The following ADAMTS12 variants were observed in gnomAD, a reference collection of about 807,000 sequenced individuals.
ADAMTS12 encodes A disintegrin and metalloproteinase with thrombospondin motifs 12.
ADAMTS12 carries 118 observed loss-of-function variants against 167.8 expected under a neutral mutation model. The ratio of observed to expected loss-of-function variants is 0.70; its 90% CI spans 0.61 to 0.82. The LOEUF is 0.82. ADAMTS12 is among the 40% of genes least tolerant of loss of function. The pLI, the probability that ADAMTS12 is intolerant of heterozygous loss-of-function variation, is 0.00. For missense variants in ADAMTS12, 1,916 were observed against 1,998.8 expected (o/e 0.96, Z 0.79); for synonymous variants, 704 against 716.9 (o/e 0.98, Z 0.29).
chr5:33,818,321 GCT>G lies in ADAMTS12; in HGVS notation c.489+62796_489+62797del, dbSNP rs531863834. Among the ~76,000 whole-genome samples, 127 of 152,036 alleles carry G rather than the reference GCT, an allele frequency of 8.4e-4. 1 individual carries two copies. Among genetic ancestry groups the G allele is most frequent in the African/African-American group, 3.0e-3 (123 of 41,494 alleles). ...ACTGTTTCATTCTCTGGGTATACAA[GCT>G]CTTTCTTAAAAATATGCCACATATA... On this transcript the variant is annotated intron_variant, in intron 2 of 23. Transcript: ENST00000504830.
chr5:33,701,160 C>T (rs928032884), intron 3 of ADAMTS12, among the ~76,000 whole-genome samples: 1 of 152,060 alleles, frequency 6.6e-6, no homozygotes, highest in African/African-American at 2.4e-5. Flanking sequence ...TAAATGAAAA[C>T]AAGATAAAGT....
Position 33,637,632 on chromosome 5 carries a change from A to C in ADAMTS12, c.1833T>G (p.Phe611Leu). 6.2e-7 allele frequency: 1 copy of C among 1,613,784 alleles called. No homozygotes were observed. Among genetic ancestry groups the C allele is most frequent in the Non-Finnish European group, 8.5e-7 (1 of 1,179,726 alleles). The change falls in exon 12 of 24, where the codon TTT becomes TTG. Residue 611 changes from phenylalanine (F) to leucine (L), a missense_variant. By Grantham distance (22) the Phe-to-Leu change is conservative. Transcript: ENST00000504830. ...GTTCATTCTTGTAGGGAACAGTGTCAAATTCACTGCACTGCATCTGCCGAA... is the reference window on the plus strand; with the variant it reads ...GTTCATTCTTGTAGGGAACAGTGTCCAATTCACTGCACTGCATCTGCCGAA... ...PTFRQMQCSEFDTVPYKNELY... is the reference protein window; with the variant it reads ...PTFRQMQCSELDTVPYKNELY...
At chr5:33,891,701 T>C in intron 1 of ADAMTS12, 29 bp downstream of exon 1, 1 of 1,613,140 alleles carries the variant, frequency 6.2e-7, no homozygotes, top group East Asian at 2.2e-5. Flanking sequence ...CACCACTGTT[T>C]TAAAAAGAAA....
chr5:33,734,251 G>C (rs767897354), intron 3 of ADAMTS12, among the ~76,000 whole-genome samples: 2 of 152,200 alleles, frequency 1.3e-5, no homozygotes, highest in African/African-American at 4.8e-5. Context: ...CCTCTCAGGA[G>C]AAGTGGTCAT....
intron 3 of ADAMTS12, among the ~76,000 whole-genome samples, chr5:33,733,908 A>G (rs1185524578): frequency 6.6e-6 from 1 of 152,086 alleles, no homozygotes; most frequent in South Asian, 2.1e-4. Flanking sequence ...TAAGGCTCAG[A>G]GAACTTCAGA....
At chr5:33,730,035 A>G (rs1422236973) in intron 3 of ADAMTS12, among the ~76,000 whole-genome samples, 1 of 152,214 alleles carries the variant, frequency 6.6e-6, no homozygotes, top group Non-Finnish European at 1.5e-5. Flanking sequence ...GCTCCAAGGC[A>G]AAAGTTATAC....
chr5:33,531,645 T>C (rs1744107402), intron 23 of ADAMTS12, among the ~76,000 whole-genome samples: 1 of 152,196 alleles, frequency 6.6e-6, no homozygotes, highest in Non-Finnish European at 1.5e-5. Flanking sequence ...GAAGATCACA[T>C]GAATAGGTCT....
At chr5:33,780,552 A>C (rs552513646) in intron 2 of ADAMTS12, among the ~76,000 whole-genome samples, 12 of 152,338 alleles carry the variant, frequency 7.9e-5, no homozygotes, top group African/African-American at 2.9e-4. Context: ...AAGGGAAATA[A>C]GCTAAGGTGG....
At chr5:33,708,035 G>A (rs1743261133) in intron 3 of ADAMTS12, among the ~76,000 whole-genome samples, 1 of 152,096 alleles carries the variant, frequency 6.6e-6, no homozygotes, top group African/African-American at 2.4e-5. Flanking sequence ...GAAAATTTTT[G>A]CAATCTATCC....
chr5:33,716,578 TC>T (rs1227128352), intron 3 of ADAMTS12, among the ~76,000 whole-genome samples: 1 of 152,170 alleles, frequency 6.6e-6, no homozygotes, highest in Non-Finnish European at 1.5e-5. Flanking sequence ...AGCCTTGTCA[TC>T]CTGCTGTTTC....
At chr5:33,762,969 C>T (rs1745408263) in intron 2 of ADAMTS12, among the ~76,000 whole-genome samples, 1 of 152,084 alleles carries the variant, frequency 6.6e-6, no homozygotes, top group South Asian at 2.1e-4. Context: ...GGAGAAGGAG[C>T]TGATCTTTTA....
At chr5:33,562,693 A>G (rs992234021) in intron 19 of ADAMTS12, among the ~76,000 whole-genome samples, 3 of 148,972 alleles carry the variant, frequency 2.0e-5, no homozygotes, top group East Asian at 2.0e-4. Context: ...GTGTAGTGGC[A>G]TGTTCTTGGC....
At chr5:33,806,511 C>T (rs953625242) in intron 2 of ADAMTS12, among the ~76,000 whole-genome samples, 8 of 152,162 alleles carry the variant, frequency 5.3e-5, no homozygotes, top group Non-Finnish European at 1.2e-4. Flanking sequence ...TAATTTTAAA[C>T]GATTCAATGA....
chr5:33,887,908 C>G (rs1240553229), intron 1 of ADAMTS12: 1 of 152,106 alleles, frequency 6.6e-6, no homozygotes, highest in Non-Finnish European at 1.5e-5. Flanking sequence ...CCACGCCCGG[C>G]TGATTTTTGT....
At chr5:33,693,628 T>C (rs957552417) in intron 3 of ADAMTS12, among the ~76,000 whole-genome samples, 26 of 152,114 alleles carry the variant, frequency 1.7e-4, no homozygotes, top group Non-Finnish European at 5.9e-5. Flanking sequence ...CCCTCCATGA[T>C]AAAAATCCTC....
chr5:33,602,867 G>A (rs776190621), intron 16 of ADAMTS12, among the ~76,000 whole-genome samples: 47 of 152,150 alleles, frequency 3.1e-4, no homozygotes, highest in Non-Finnish European at 4.7e-4. Flanking sequence ...ATTCAGTTTA[G>A]AACAGTCAAA....
chr5:33,688,311 G>A (rs764117687), intron 3 of ADAMTS12, among the ~76,000 whole-genome samples: 1 of 151,514 alleles, frequency 6.6e-6, no homozygotes, highest in Non-Finnish European at 1.5e-5. Flanking sequence ...CCAGCCAAAC[G>A]GGCAGCTTAA....
At chr5:33,566,353 A>G (rs1336749585) in intron 19 of ADAMTS12, among the ~76,000 whole-genome samples, 1 of 152,026 alleles carries the variant, frequency 6.6e-6, no homozygotes. Context: ...GTTCCTATCT[A>G]CTCAGGAGAC....
intron 22 of ADAMTS12, among the ~76,000 whole-genome samples, chr5:33,540,895 G>T (rs777345889): frequency 1.3e-5 from 2 of 152,214 alleles, no homozygotes; most frequent in Admixed American, 6.5e-5. Flanking sequence ...AGCAGAAAAG[G>T]TGAAAATTCT....
Sources: gnomAD v4.1 joint callset for allele counts (sites outside exome capture counted in the v4.1 genomes callset) on GRCh38, gnomAD v4.1.1 for gene constraint, MANE v1.5 for transcripts, NCBI Gene and HGNC (gene_info 2026-07-23, HGNC 2026-07-21) for gene names.